TIMELESS: variants seen among roughly 807,000 people sequenced by gnomAD.
The protein encoded by TIMELESS is timeless circadian regulator.
A neutral mutation model predicts 164.3 loss-of-function variants in TIMELESS; 124 were observed. The observed-to-expected ratio is 0.75, with a 90% CI of 0.65 to 0.88. The LOEUF is 0.88. Among genes scored for constraint, TIMELESS ranks in the 40% least tolerant of loss-of-function variants. The probability of loss-of-function intolerance (pLI) is 0.00; values close to 1 mark genes in which losing one functional copy is unlikely to be tolerated. For synonymous variants in TIMELESS, 564 were observed against 563.4 expected, an observed-to-expected ratio of 1.00 and a Z score of -0.02; for missense variants, 1,422 against 1,491.4, an observed-to-expected ratio of 0.95 and a Z score of 0.77.
intron 8 of TIMELESS, 40 bp from the exon 9 acceptor site, chr12:56,431,008 C>A: frequency 7.2e-7 from 1 of 1,396,610 alleles, no homozygotes; most frequent in South Asian, 1.3e-5. Context: ...TTTCAGTTCT[C>A]TGGAAACTTT....
In TIMELESS at chr12:56,423,236, A is replaced by G. The variant is rs185101812; in HGVS notation, c.2292+38T>C. 151 of 1,607,378 alleles carry G rather than the reference A, an allele frequency of 9.4e-5. No homozygotes were observed. The African/African-American group carries it at 1.7e-3, about 18-fold the overall frequency. On this transcript the variant is annotated intron_variant, in intron 18 of 28. Coordinates refer to ENST00000553532, the MANE Select transcript of TIMELESS (RefSeq NM_003920.5). Reference sequence around the variant, plus strand: ...ATTATTTATTTACCTGAGGGTTCCCATACCCTTCCAGAACCCCATTCCTTG... The same window carrying G: ...ATTATTTATTTACCTGAGGGTTCCCGTACCCTTCCAGAACCCCATTCCTTG...
chr12:56,440,529 A>G (rs1049208327), intron 1 of TIMELESS, among the ~76,000 whole-genome samples: 13 of 152,198 alleles, frequency 8.5e-5, no homozygotes, highest in Admixed American at 7.2e-4. Flanking sequence ...CAGTAGTATG[A>G]ACAAAATGGC....
At chr12:56,420,259 G>A (rs1881421685) in intron 26 of TIMELESS, among the ~76,000 whole-genome samples, 1 of 151,744 alleles carries the variant, frequency 6.6e-6, no homozygotes, top group Non-Finnish European at 1.5e-5. Context: ...TGGTATCTGT[G>A]GGCAGGGGGG....
At position 56,446,605 on chromosome 12, in the gene TIMELESS, T is replaced by C. The variant is rs368090595; in HGVS notation, c.-62+2705A>G. Among the ~76,000 whole-genome samples, 3 of 151,978 alleles carry C rather than the reference T, an allele frequency of 2.0e-5. No individual in the cohort carries two copies. In the East Asian group the frequency reaches 5.8e-4, roughly 29 times the overall value. ...CAGCACTTTGGGTGGCTGAGGCGGATGGATCGCCTGAGGTCAGGACTTCAA... is the reference window on the plus strand; with the variant it reads ...CAGCACTTTGGGTGGCTGAGGCGGACGGATCGCCTGAGGTCAGGACTTCAA... On this transcript the variant is annotated intron_variant, in intron 1 of 28. Coordinates refer to ENST00000553532, the MANE Select transcript of TIMELESS (RefSeq NM_003920.5).
chr12:56,422,977 C>A lies in TIMELESS; in HGVS notation c.2308G>T (p.Ala770Ser). 2 of 1,613,704 alleles carry A rather than the reference C, an allele frequency of 1.2e-6. No homozygotes were observed. Residue 770 changes from alanine to serine, a missense_variant, in exon 19 of 29, where the codon GCC (alanine) becomes TCC (serine). Physicochemically the swap from Ala to Ser is moderately conservative, Grantham distance 99. Coordinates refer to ENST00000553532, the MANE Select transcript of TIMELESS (RefSeq NM_003920.5). ...AGAYKELVTF[A>S]KYILGKFFAL... ...AAAAATTTGCCCAGGATGTATTTGG[C>A]AAAAGTCACTAGCTCCTGTAGGAGA...
In TIMELESS at chr12:56,421,390, C is replaced by T. The variant is rs749022903; in HGVS notation, c.2829G>A (p.Leu943=). Residue 943 remains leucine (L), a synonymous_variant, in exon 23 of 29, where the codon CTG becomes CTA. Coordinates refer to ENST00000553532, the MANE Select transcript of TIMELESS (RefSeq NM_003920.5). ...ALGLVAERRE[L]YKKRQKKLAS... ...CCAACTTTTTCTGCCGTTTCTTGTACAGCTCCCGCCGCTCAGCCACCAGCC... is the reference window on the plus strand; with the variant it reads ...CCAACTTTTTCTGCCGTTTCTTGTATAGCTCCCGCCGCTCAGCCACCAGCC... 1.3e-5 allele frequency: 21 copies of T among 1,613,956 alleles called. No individual in the cohort carries two copies. The highest frequency in any genetic ancestry group is 3.3e-5 in the Admixed American group (2 of 59,970).
chr12:56,418,659 T>C (rs909640616), intron 26 of TIMELESS, among the ~76,000 whole-genome samples: 36 of 151,692 alleles, frequency 2.4e-4, no homozygotes, highest in African/African-American at 8.2e-4. Context: ...TCCACTGTAG[T>C]CTCGATCTCT....
chr12:56,429,080 T>C lies in TIMELESS; in HGVS notation c.1107A>G (p.Lys369=). 3 of 1,613,764 alleles carry C rather than the reference T, an allele frequency of 1.9e-6. No homozygotes were observed. The African/African-American group carries it at 4.0e-5, about 22-fold the overall frequency. The change falls in exon 11 of 29, where the codon AAA becomes AAG. Residue 369 remains lysine, a synonymous_variant. Transcript: ENST00000553532. ...GSVKDHLLRE[K]AQQHDETYYM... The stretch of plus-strand genomic sequence containing the variant: ...AATAGGTCTCATCATGCTGCTGAGC[T>C]TTCTCCCGAAGCAGGTGATCCTGAC...
chr12:56,437,468 C>A (rs372367685), intron 1 of TIMELESS, among the ~76,000 whole-genome samples: 2 of 151,120 alleles, frequency 1.3e-5, no homozygotes, highest in African/African-American at 4.9e-5. Flanking sequence ...CAGGCTGGCA[C>A]CCAGGAGTGC....
At position 56,416,708 on chromosome 12, in the gene TIMELESS, G is replaced by A. The variant is rs1199601895; in HGVS notation, c.*1008C>T. The A allele has an allele frequency of 6.6e-6, 1 of 152,050 alleles. No homozygotes were observed. Among genetic ancestry groups the A allele is most frequent in the Non-Finnish European group, 1.5e-5 (1 of 68,090 alleles). 9.4% of individuals were successfully genotyped at this position (152,050 alleles called of 1,614,324 possible). ...TCTGTAGGGAAAGCGGAAGAAAAGG[G>A]AAGGTTGTTGGTCTTTTTTTTTTTT... On this transcript the variant is annotated 3_prime_UTR_variant, in exon 29 of 29. Coordinates refer to ENST00000553532, the MANE Select transcript of TIMELESS (RefSeq NM_003920.5).
At chr12:56,431,701 C>T in intron 7 of TIMELESS, 97 bp from the exon 8 acceptor site, 1 of 1,433,534 alleles carries the variant, frequency 7.0e-7, no homozygotes, top group South Asian at 1.4e-5. Context: ...AAATAGAACC[C>T]CATTAATGGG....
chr12:56,430,245 T>A lies in TIMELESS; in HGVS notation c.946A>T (p.Lys316Ter). Residue 316 changes from lysine (K) to a stop codon, truncating the protein, a stop_gained, in exon 10 of 29, where the codon AAA becomes TAA. Transcript: ENST00000553532. LOFTEE classifies it high-confidence loss of function. The part of the protein sequence containing the change: ...NYSSDLGKQP[K>*]KVPKRRQAAR... ...GCCTGGCGACGTTTAGGCACCTTTT[T>A]CGGCTGCTTTCCCAAATCTGAACTG... 3.7e-6 allele frequency: 6 copies of A among 1,613,850 alleles called. No individual in the cohort carries two copies. Among genetic ancestry groups the A allele is most frequent in the Non-Finnish European group, 5.1e-6 (6 of 1,179,848 alleles).
chr12:56,435,741 T>C (rs1173253924), intron 1 of TIMELESS, among the ~76,000 whole-genome samples: 26 of 151,444 alleles, frequency 1.7e-4, no homozygotes, highest in Admixed American at 1.7e-3. Flanking sequence ...GGGCGGATCA[T>C]GAGGTCAGGA....
At chr12:56,431,894 A>G (rs1345601897) in intron 7 of TIMELESS, among the ~76,000 whole-genome samples, 1 of 151,778 alleles carries the variant, frequency 6.6e-6, no homozygotes, top group Non-Finnish European at 1.5e-5. Flanking sequence ...GAATGTATAT[A>G]TGTGCTATAT....
At chr12:56,430,818 T>G in intron 9 of TIMELESS, 63 bp downstream of exon 9, 1 of 1,161,350 alleles carries the variant, frequency 8.6e-7, no homozygotes, top group Admixed American at 2.3e-5. Flanking sequence ...ACTCTTAAGA[T>G]GATTACCCTG....
At chr12:56,420,463 T>C (rs974865310) in intron 26 of TIMELESS, 106 bp downstream of exon 26, 3 of 801,360 alleles carry the variant, frequency 3.7e-6, no homozygotes, top group African/African-American at 5.9e-5. Flanking sequence ...AGGACCAAGA[T>C]GACGATAAGG....
At position 56,423,683 on chromosome 12, in the gene TIMELESS, C is replaced by T. The variant is rs1881579596; in HGVS notation, c.1991G>A (p.Gly664Glu). 2 of 1,613,848 alleles carry T rather than the reference C, an allele frequency of 1.2e-6. No homozygotes were observed. Among genetic ancestry groups the T allele is most frequent in the Non-Finnish European group, 1.7e-6 (2 of 1,179,926 alleles). The change falls in exon 17 of 29, where the codon GGG becomes GAG. Residue 664 changes from glycine to glutamate, a missense_variant. Transcript: ENST00000553532. ...LPRQQGPEERGAEEEEEEEEE... is the reference protein window; with the variant it reads ...LPRQQGPEEREAEEEEEEEEE... ...CTCCTCCTCTTCTTCTTCCTCTGCC[C>T]CACGTTCCTCTGGGCCCTGCTGCCC...
At chr12:56,420,527 G>C in intron 26 of TIMELESS, 42 bp downstream of exon 26, 1 of 1,530,712 alleles carries the variant, frequency 6.5e-7, no homozygotes, top group Non-Finnish European at 9.1e-7. Flanking sequence ...TTTGGAAATA[G>C]GACTAACACG....
chr12:56,430,982 A>G lies in TIMELESS; in HGVS notation c.822-14T>C. ...AATCGAGAATGCCTGCAGAAACAAAAAGGTCCAAGGTGATTTTTCAGTTCT... is the reference window on the plus strand; with the variant it reads ...AATCGAGAATGCCTGCAGAAACAAAGAGGTCCAAGGTGATTTTTCAGTTCT... On this transcript the variant is annotated splice_polypyrimidine_tract_variant and intron_variant, in intron 8 of 28. Coordinates refer to ENST00000553532, the MANE Select transcript of TIMELESS (RefSeq NM_003920.5). 3 of 1,535,516 alleles carry G rather than the reference A, an allele frequency of 2.0e-6. No individual in the cohort carries two copies. The highest frequency in any genetic ancestry group is 2.6e-6 in the Non-Finnish European group (3 of 1,139,078).
Sources: allele counts gnomAD v4.1 joint callset (sites outside exome capture counted in the v4.1 genomes callset), GRCh38; gene constraint gnomAD v4.1.1; transcripts MANE v1.5; gene names NCBI Gene and HGNC (gene_info 2026-07-23, HGNC 2026-07-21).